Variants in ANKS1B observed in about 807,000 individuals in gnomAD.
The protein encoded by ANKS1B is ankyrin repeat and sterile alpha motif domain-containing protein 1B.
In ANKS1B, 36 loss-of-function variants were observed where a neutral mutation model predicts 148.3. The observed-to-expected ratio is 0.24, with a 90% CI of 0.19 to 0.32. ANKS1B has a LOEUF of 0.32. Ranked by LOEUF, ANKS1B falls within the 10% of genes least tolerant of loss-of-function variation. The pLI, the probability that ANKS1B is intolerant of heterozygous loss-of-function variation, is 1.00. For missense variants in ANKS1B, 1,157 were observed against 1,542.6 expected (o/e 0.75, Z 4.19); for synonymous variants, 542 against 560.8 (o/e 0.97, Z 0.47).
At chr12:99,904,853 C>G (rs867050127) in intron 1 of ANKS1B, among the ~76,000 whole-genome samples, 28 of 152,066 alleles carry the variant, frequency 1.8e-4, no homozygotes, top group African/African-American at 6.8e-4. Context: ...AACTTCTGCC[C>G]CTTATTTACC....
intron 9 of ANKS1B, among the ~76,000 whole-genome samples, chr12:99,516,439 G>A (rs945361086): frequency 5.9e-5 from 9 of 151,990 alleles, no homozygotes; most frequent in South Asian, 4.1e-4. Context: ...GTCCTTTGCC[G>A]GGACATAGAT....
chr12:99,292,692 A>T (rs2080193539), intron 12 of ANKS1B, among the ~76,000 whole-genome samples: 1 of 152,174 alleles, frequency 6.6e-6, no homozygotes, highest in Admixed American at 6.5e-5. Context: ...TGGGCAAAAT[A>T]TGTGAACAGA....
intron 8 of ANKS1B, among the ~76,000 whole-genome samples, chr12:99,661,736 T>C (rs2098478533): frequency 6.6e-6 from 1 of 152,218 alleles, no homozygotes; most frequent in African/African-American, 2.4e-5. Flanking sequence ...CTTTTATTCT[T>C]GTATGGTACT....
In ANKS1B at chr12:99,895,423, A is replaced by G. The variant is rs1266922298; in HGVS notation, c.135-70034T>C. 2.4e-5 allele frequency among the ~76,000 whole-genome samples: 3 copies of G among 126,818 alleles called. No homozygotes were observed. The East Asian group carries it at 5.8e-4, about 25-fold the overall frequency. The allele number at this position is 126,818 out of a possible 152,430, so 83.2% of individuals were successfully genotyped here. On this transcript the variant is annotated intron_variant, in intron 1 of 26. Transcript: ENST00000683438. ...CTTAAAATCAATCCATCAACCCCCAACCCGTGTGTGTGTGTGTGTCCTTTC... is the reference window on the plus strand; with the variant it reads ...CTTAAAATCAATCCATCAACCCCCAGCCCGTGTGTGTGTGTGTGTCCTTTC...
chr12:99,653,591 A>G (rs1325473643), intron 9 of ANKS1B, among the ~76,000 whole-genome samples: 1 of 151,528 alleles, frequency 6.6e-6, no homozygotes, highest in African/African-American at 2.4e-5. Flanking sequence ...TTCAACTATT[A>G]CTTCATTCCA....
chr12:99,050,149 G>A (rs1014360236), intron 17 of ANKS1B, among the ~76,000 whole-genome samples: 5 of 152,182 alleles, frequency 3.3e-5, no homozygotes, highest in African/African-American at 1.2e-4. Flanking sequence ...TATATTATAT[G>A]AGACTACCTC....
At chr12:99,566,652 A>G (rs1252209676) in intron 9 of ANKS1B, among the ~76,000 whole-genome samples, 1 of 152,156 alleles carries the variant, frequency 6.6e-6, no homozygotes, top group Non-Finnish European at 1.5e-5. Context: ...GCTTTATAAG[A>G]AGAGGAAGAG....
At chr12:99,813,944 T>C (rs2068761172) in intron 2 of ANKS1B, among the ~76,000 whole-genome samples, 1 of 151,740 alleles carries the variant, frequency 6.6e-6, no homozygotes, top group Non-Finnish European at 1.5e-5. Context: ...CATCCGCATA[T>C]ATAATGGTTG....
At chr12:99,757,829 T>C (rs959193621) in intron 8 of ANKS1B, among the ~76,000 whole-genome samples, 12 of 151,988 alleles carry the variant, frequency 7.9e-5, no homozygotes, top group African/African-American at 2.9e-4. Flanking sequence ...TTTAGCAAGC[T>C]AATGCAGGAA....
intron 22 of ANKS1B, among the ~76,000 whole-genome samples, chr12:98,789,405 G>T (rs973157054): frequency 2.7e-5 from 4 of 148,332 alleles, no homozygotes; most frequent in Non-Finnish European, 6.0e-5. Flanking sequence ...TCTTGCTGAA[G>T]ATGAAGATGT....
At chr12:98,756,788 C>T (rs553024408) in intron 25 of ANKS1B, among the ~76,000 whole-genome samples, 9 of 146,988 alleles carry the variant, frequency 6.1e-5, no homozygotes, top group Non-Finnish European at 7.5e-5. Context: ...AGTACAATGG[C>T]GCGATCTTGG....
intron 1 of ANKS1B, among the ~76,000 whole-genome samples, chr12:99,919,507 T>C (rs1177825384): frequency 6.6e-6 from 1 of 152,160 alleles, no homozygotes; most frequent in African/African-American, 2.4e-5. Flanking sequence ...ATTGGAAGCT[T>C]GCATAAACAG....
chr12:99,348,017 C>T (rs2090949936), intron 12 of ANKS1B, among the ~76,000 whole-genome samples: 1 of 152,022 alleles, frequency 6.6e-6, no homozygotes, highest in African/African-American at 2.4e-5. Flanking sequence ...GAAACAAATT[C>T]TGGAGCTGAA....
At chr12:99,488,725 T>G (rs2096526811) in intron 10 of ANKS1B, among the ~76,000 whole-genome samples, 1 of 152,354 alleles carries the variant, frequency 6.6e-6, no homozygotes. Flanking sequence ...GCTGGGCTGC[T>G]ATTCAAGTCC....
At chr12:99,011,511 A>G (rs2078465397) in intron 17 of ANKS1B, among the ~76,000 whole-genome samples, 1 of 152,218 alleles carries the variant, frequency 6.6e-6, no homozygotes, top group South Asian at 2.1e-4. Flanking sequence ...ATAACATAGG[A>G]AAGCTGAAAC....
Position 99,545,048 on chromosome 12 carries a change from G to T in ANKS1B, c.1273-40407C>A, listed in dbSNP as rs1416690266. Among the ~76,000 whole-genome samples the T allele has an allele frequency of 2.0e-5, 3 of 152,026 alleles. No homozygotes were observed. The East Asian group carries it at 5.8e-4, about 29-fold the overall frequency. Reference sequence around the variant, plus strand: ...GAACTTACTGGAAGTGAAAAGGAAGGTTACCTTAATTGATAGAGCTATTGA... The same window carrying T: ...GAACTTACTGGAAGTGAAAAGGAAGTTTACCTTAATTGATAGAGCTATTGA... On this transcript the variant is annotated intron_variant, in intron 9 of 26. Coordinates refer to ENST00000683438, the MANE Select transcript of ANKS1B (RefSeq NM_001352186.2).
chr12:99,800,443 A>C lies in ANKS1B; in HGVS notation c.669+5961T>G, dbSNP rs1321710940. On this transcript the variant is annotated intron_variant, in intron 4 of 26. Transcript: ENST00000683438. Reference sequence around the variant, plus strand: ...ACCTAAGCAGACAATACAGAAGCCAAAAAAAAAAAAAAAAAAAACGGAGGA... The same window carrying C: ...ACCTAAGCAGACAATACAGAAGCCACAAAAAAAAAAAAAAAAAACGGAGGA... 8.6e-5 allele frequency among the ~76,000 whole-genome samples: 4 copies of C among 46,478 alleles called. No individual in the cohort carries two copies. The East Asian group carries it at 3.5e-3, about 40-fold the overall frequency. 30.5% of individuals were successfully genotyped at this position (46,478 alleles called of 152,430 possible).
chr12:99,387,271 G>A (rs1050721839), intron 12 of ANKS1B, among the ~76,000 whole-genome samples: 5 of 152,156 alleles, frequency 3.3e-5, no homozygotes, highest in African/African-American at 1.2e-4. Flanking sequence ...GGGCACTTGG[G>A]AGGTGATTAG....
chr12:99,571,124 G>A (rs2097451037), intron 9 of ANKS1B, among the ~76,000 whole-genome samples: 1 of 152,026 alleles, frequency 6.6e-6, no homozygotes, highest in South Asian at 2.1e-4. Flanking sequence ...GACTTTATAT[G>A]TAATAGCATA....
Sources: allele counts gnomAD v4.1 joint callset (sites outside exome capture counted in the v4.1 genomes callset), GRCh38; gene constraint gnomAD v4.1.1; transcripts MANE v1.5; gene names NCBI Gene and HGNC (gene_info 2026-07-23, HGNC 2026-07-21).